The following SYNE1 variants were observed in gnomAD, a reference collection of about 807,000 sequenced individuals.
SYNE1 encodes the protein spectrin repeat containing nuclear envelope protein 1.
Under a neutral mutation model 1,111.0 loss-of-function variants are expected in SYNE1, and 616 were observed. The ratio of observed to expected loss-of-function variants is 0.55; its 90% CI spans 0.52 to 0.59. The LOEUF (loss-of-function observed/expected upper bound fraction) is 0.59, where lower values mean the gene tolerates loss of function less well. SYNE1 is among the 20% of genes least tolerant of loss of function. The probability of loss-of-function intolerance (pLI) is 0.00; values close to 1 mark genes in which losing one functional copy is unlikely to be tolerated. For missense variants in SYNE1, 10,006 were observed against 10,417.0 expected (o/e 0.96, Z 1.72); for synonymous variants, 3,855 against 3,825.8 (o/e 1.01, Z -0.28).
At chr6:152,479,395 A>G (rs947301128) in intron 14 of SYNE1, among the ~76,000 whole-genome samples, 1 of 152,218 alleles carries the variant, frequency 6.6e-6, no homozygotes, top group Non-Finnish European at 1.5e-5. Context: ...ATGATTCCTT[A>G]TGACTGAAAG....
intron 22 of SYNE1, among the ~76,000 whole-genome samples, chr6:152,457,605 C>T (rs2098704060): frequency 6.6e-6 from 1 of 152,054 alleles, no homozygotes; most frequent in African/African-American, 2.4e-5. Context: ...TCCAGAGTTT[C>T]AAGGTTGTTT....
intron 8 of SYNE1, among the ~76,000 whole-genome samples, chr6:152,506,835 C>G (rs1291671514): frequency 6.6e-6 from 1 of 152,276 alleles, no homozygotes; most frequent in East Asian, 1.9e-4. Context: ...CCTCGGCCCC[C>G]CAAAGTGCTG....
chr6:152,432,402 C>G (rs775495567), intron 34 of SYNE1, among the ~76,000 whole-genome samples: 4 of 152,080 alleles, frequency 2.6e-5, no homozygotes, highest in African/African-American at 4.8e-5. Context: ...TCCACTGTAA[C>G]TTTGCTTATT....
At chr6:152,255,915 G>A (rs1235866491) in intron 102 of SYNE1, among the ~76,000 whole-genome samples, 169 bp from the exon 103 acceptor site, 4 of 152,066 alleles carry the variant, frequency 2.6e-5, no homozygotes, top group Non-Finnish European at 5.9e-5. Context: ...CTGGCCAATA[G>A]GGCAAAACCC....
chr6:152,436,019 T>G lies in SYNE1; in HGVS notation c.4232A>C (p.Gln1411Pro). 4.3e-6 allele frequency: 7 copies of G among 1,614,156 alleles called. No individual in the cohort carries two copies. The highest frequency in any genetic ancestry group is 5.9e-6 in the Non-Finnish European group (7 of 1,180,024). Residue 1411 changes from glutamine to proline, a missense_variant, in exon 33 of 146, where the codon CAA (glutamine) becomes CCA (proline). Gln to Pro is a moderately conservative substitution (Grantham distance 76). Transcript: ENST00000367255. Reference protein sequence around the residue: ...KEASEIPLGPQNKQLLQQQAK... With the variant: ...KEASEIPLGPPNKQLLQQQAK... Reference sequence around the variant, plus strand: ...CTGCTGTTGAAGCAGCTGCTTATTTTGGGGCCCAAGCGGTATCTCTGAAGC... The same window carrying G: ...CTGCTGTTGAAGCAGCTGCTTATTTGGGGGCCCAAGCGGTATCTCTGAAGC...
intron 14 of SYNE1, among the ~76,000 whole-genome samples, chr6:152,476,613 C>T (rs564207474): frequency 3.3e-5 from 5 of 152,090 alleles, no homozygotes; most frequent in African/African-American, 4.8e-5. Context: ...GCAGCTTATG[C>T]GTGTAATTCC....
At chr6:152,599,777 T>A (rs1157980157) in intron 3 of SYNE1, among the ~76,000 whole-genome samples, 7 of 152,224 alleles carry the variant, frequency 4.6e-5, no homozygotes, top group Admixed American at 4.6e-4. Flanking sequence ...ATTGTTTACT[T>A]ATCCTACAAA....
rs1450603587 is a variant in SYNE1, at chr6:152,249,219, T to C, written c.19514A>G (p.Tyr6505Cys). 4.3e-6 allele frequency: 7 copies of C among 1,613,992 alleles called. No homozygotes were observed. The South Asian group carries it at 5.5e-5, about 13-fold the overall frequency. Residue 6505 changes from tyrosine to cysteine, a missense_variant, in exon 105 of 146, where the codon TAC becomes TGC. Transcript: ENST00000367255. Reference sequence around the variant, plus strand: ...ATTTGCCAGTTTTTGCAGAATGATGTATTTGTTGTCAGCCAGTGATGTAAA... The same window carrying C: ...ATTTGCCAGTTTTTGCAGAATGATGCATTTGTTGTCAGCCAGTGATGTAAA... Reference protein sequence around the residue: ...VLFTSLADNKYIILQKLANVF... With the variant: ...VLFTSLADNKCIILQKLANVF...
Position 152,224,649 on chromosome 6 carries a change from T to C in SYNE1, c.21367A>G (p.Ile7123Val). 1 of 1,613,942 alleles carries C rather than the reference T, an allele frequency of 6.2e-7. No homozygotes were observed. Among genetic ancestry groups the C allele is most frequent in the Non-Finnish European group, 8.5e-7 (1 of 1,179,946 alleles). Reference sequence around the variant, plus strand: ...TGGTCAAGCACTGATTTCAGCAGTATCTTTAATTGTCCAACCTTTTGAAAA... The same window carrying C: ...TGGTCAAGCACTGATTTCAGCAGTACCTTTAATTGTCCAACCTTTTGAAAA... The part of the protein sequence containing the change: ...NLDHMVGQLK[I>V]LLKSVLDQWS... The change falls in exon 117 of 146, where the codon ATA becomes GTA. Residue 7123 changes from isoleucine (I) to valine (V), a missense_variant. Physicochemically the swap from Ile to Val is conservative, Grantham distance 29. This residue lies in a region of SYNE1 where 2,182 missense variants were observed against 2,287.8 expected (regional missense o/e 0.95). Coordinates refer to ENST00000367255, the MANE Select transcript of SYNE1 (RefSeq NM_182961.4).
rs2099261688 is a variant in SYNE1 at position 152,539,990 on chromosome 6, G to A, written c.99C>T (p.Phe33=). ...CCAGATGAGAGTTGATCCATTTTGT[G>A]AAAGTTCGTTTTTGTACTATCTCTT... The part of the protein sequence containing the change: ...DEQEIVQKRT[F]TKWINSHLAK... Residue 33 remains phenylalanine (F), a synonymous_variant, in exon 4 of 146, where the codon TTC becomes TTT. Transcript: ENST00000367255. The A allele has an allele frequency of 1.2e-6, 2 of 1,613,874 alleles. No individual in the cohort carries two copies. Among genetic ancestry groups the A allele is most frequent in the Non-Finnish European group, 1.7e-6 (2 of 1,179,886 alleles).
At chr6:152,566,832 G>A (rs562990189) in intron 3 of SYNE1, among the ~76,000 whole-genome samples, 2 of 152,106 alleles carry the variant, frequency 1.3e-5, no homozygotes, top group South Asian at 4.2e-4. Flanking sequence ...CACTTTTTTT[G>A]TGGCACTGCC....
At position 152,409,051 on chromosome 6, in the gene SYNE1, C is replaced by G. The variant is rs776716988; in HGVS notation, c.6540+17G>C. 11 of 1,612,892 alleles carry G rather than the reference C, an allele frequency of 6.8e-6. No homozygotes were observed. The African/African-American group carries it at 1.5e-4, about 22-fold the overall frequency. On this transcript the variant is annotated intron_variant, in intron 44 of 145. Coordinates refer to ENST00000367255, the MANE Select transcript of SYNE1 (RefSeq NM_182961.4). ...GAATATTTAAATAGTTCACAGAATC[C>G]CAGGTGATTATCTTACATCCAGCCA...
rs1589316417 is a variant in SYNE1, at chr6:152,284,169, A to G, written c.18016T>C (p.Leu6006=). The G allele has an allele frequency of 6.2e-6, 10 of 1,614,118 alleles. No homozygotes were observed. The East Asian group carries it at 2.2e-4, about 36-fold the overall frequency. The change falls in exon 96 of 146, where the codon TTG becomes CTG. Residue 6006 remains leucine, a synonymous_variant. Transcript: ENST00000367255. ...PESQMAEHQA[L]MDEILMLQDE... Reference sequence around the variant, plus strand: ...TGGAGCATGAGAATCTCATCCATCAATGCCTGGAGGAAAGACTGTGGAATC... The same window carrying G: ...TGGAGCATGAGAATCTCATCCATCAGTGCCTGGAGGAAAGACTGTGGAATC...
chr6:152,399,762 T>C lies in SYNE1; in HGVS notation c.7091A>G (p.Asn2364Ser), dbSNP rs776339735. The C allele has an allele frequency of 8.1e-6, 13 of 1,614,174 alleles. No individual in the cohort carries two copies. The highest frequency in any genetic ancestry group is 1.1e-5 in the Non-Finnish European group (13 of 1,180,004). ...SNISSTQENLNSLCRKYHSAE... is the reference protein window; with the variant it reads ...SNISSTQENLSSLCRKYHSAE... Reference sequence around the variant, plus strand: ...TGAGTGGTACTTGCGGCACAAGCTATTGAGATTTTCTTGGGTAGAGCTGAT... The same window carrying C: ...TGAGTGGTACTTGCGGCACAAGCTACTGAGATTTTCTTGGGTAGAGCTGAT... The change falls in exon 48 of 146, where the codon AAT becomes AGT. Residue 2364 changes from asparagine to serine, a missense_variant. Coordinates refer to ENST00000367255, the MANE Select transcript of SYNE1 (RefSeq NM_182961.4).
intron 87 of SYNE1, chr6:152,315,144 G>T (rs2095674218): frequency 6.7e-6 from 1 of 150,090 alleles, no homozygotes; most frequent in Non-Finnish European, 1.5e-5. Context: ...TCTATATTTT[G>T]GATTGTAGCC....
intron 14 of SYNE1, among the ~76,000 whole-genome samples, chr6:152,478,895 T>C (rs1300303843): frequency 1.3e-5 from 2 of 152,052 alleles, no homozygotes; most frequent in Non-Finnish European, 2.9e-5. Context: ...GCATTGTGTT[T>C]TTACCAGGAC....
intron 59 of SYNE1, among the ~76,000 whole-genome samples, chr6:152,370,815 G>A (rs62426388): frequency 7.2e-4 from 110 of 152,266 alleles, no homozygotes; most frequent in Non-Finnish European, 1.4e-3. Flanking sequence ...ATAGTTCAAG[G>A]TTCCACCTGT....
chr6:152,534,783 T>C (rs1218570461), intron 4 of SYNE1, among the ~76,000 whole-genome samples: 2 of 152,186 alleles, frequency 1.3e-5, no homozygotes, highest in African/African-American at 4.8e-5. Flanking sequence ...GCACTGCTGG[T>C]GGAAAGACAA....
intron 3 of SYNE1, among the ~76,000 whole-genome samples, chr6:152,578,150 A>G (rs998741484): frequency 3.9e-5 from 6 of 152,056 alleles, no homozygotes; most frequent in South Asian, 4.1e-4. Flanking sequence ...GAAACTTTAT[A>G]TTTTTTTCAC....
Sources: gnomAD v4.1 joint callset for allele counts (sites outside exome capture counted in the v4.1 genomes callset) on GRCh38, gnomAD v4.1.1 for gene constraint, gnomAD v4.1.1 regional missense constraint, MANE v1.5 for transcripts, NCBI Gene and HGNC (gene_info 2026-07-23, HGNC 2026-07-21) for gene names.